The following PITPNC1 variants were observed in gnomAD, a reference collection of about 807,000 sequenced individuals.
The protein encoded by PITPNC1 is cytoplasmic phosphatidylinositol transfer protein 1.
A neutral mutation model predicts 44.7 loss-of-function variants in PITPNC1; 18 were observed. The ratio of observed to expected loss-of-function variants is 0.40; its 90% CI spans 0.28 to 0.60. The LOEUF (loss-of-function observed/expected upper bound fraction) is 0.60, where lower values mean the gene tolerates loss of function less well. Among genes scored for constraint, PITPNC1 ranks in the 20% least tolerant of loss-of-function variants. The pLI, the probability that PITPNC1 is intolerant of heterozygous loss-of-function variation, is 0.39. For missense variants in PITPNC1, 290 were observed against 418.4 expected, an observed-to-expected ratio of 0.69 and a Z score of 2.68; for synonymous variants, 141 against 149.6, an observed-to-expected ratio of 0.94 and a Z score of 0.42.
At chr17:67,452,053 C>T (rs765385657) in intron 1 of PITPNC1, among the ~76,000 whole-genome samples, 1 of 151,770 alleles carries the variant, frequency 6.6e-6, no homozygotes, top group Non-Finnish European at 1.5e-5. Context: ...ACTGTGATCA[C>T]CCAGGCTAGA....
At position 67,467,763 on chromosome 17, in the gene PITPNC1, A is replaced by G. The variant is rs1176991676; in HGVS notation, c.49-65039A>G. On this transcript the variant is annotated intron_variant, in intron 1 of 8. Coordinates refer to ENST00000581322, the MANE Select transcript of PITPNC1 (RefSeq NM_012417.4). ...GGCCTTGTGTCAAAATATCTTCATC[A>G]TCTAAGAATAAAACCCCCAAAGAGG... Among the ~76,000 whole-genome samples, 4 of 152,194 alleles carry G rather than the reference A, an allele frequency of 2.6e-5. No individual in the cohort carries two copies. In the East Asian group the frequency reaches 5.8e-4, roughly 22 times the overall value.
At chr17:67,546,273 T>C (rs1164803854) in intron 2 of PITPNC1, among the ~76,000 whole-genome samples, 1 of 122,618 alleles carries the variant, frequency 8.2e-6, no homozygotes, top group Non-Finnish European at 1.6e-5. Flanking sequence ...TTACATATTA[T>C]TTATATAGGG....
intron 1 of PITPNC1, among the ~76,000 whole-genome samples, chr17:67,433,943 G>A (rs2038896216): frequency 6.6e-6 from 1 of 152,078 alleles, no homozygotes; most frequent in Admixed American, 6.6e-5. Flanking sequence ...AGAGGAATCT[G>A]GTGCTGGCAT....
At chr17:67,578,999 G>A (rs1472784298) in intron 5 of PITPNC1, among the ~76,000 whole-genome samples, 1 of 152,148 alleles carries the variant, frequency 6.6e-6, no homozygotes, top group African/African-American at 2.4e-5. Context: ...TAAAAAAAGA[G>A]AAAAGGAAAT....
At chr17:67,643,805 T>C (rs1452986410) in intron 6 of PITPNC1, among the ~76,000 whole-genome samples, 1 of 152,250 alleles carries the variant, frequency 6.6e-6, no homozygotes, top group Non-Finnish European at 1.5e-5. Flanking sequence ...AAGCATTTCA[T>C]AAGTGTTCCC....
intron 1 of PITPNC1, among the ~76,000 whole-genome samples, chr17:67,403,674 G>A (rs2038356368): frequency 6.6e-6 from 1 of 152,172 alleles, no homozygotes; most frequent in African/African-American, 2.4e-5. Context: ...TGGAAATTGA[G>A]GCTTAGAGGA....
At chr17:67,454,852 CTG>C (rs1454574084) in intron 1 of PITPNC1, among the ~76,000 whole-genome samples, 1 of 143,020 alleles carries the variant, frequency 7.0e-6, no homozygotes, top group Non-Finnish European at 1.5e-5. Flanking sequence ...CAGGGTCTCA[CTG>C]TGTCACCCAG....
intron 1 of PITPNC1, among the ~76,000 whole-genome samples, chr17:67,386,094 TG>T (rs1567970486): frequency 6.6e-6 from 1 of 152,240 alleles, no homozygotes; most frequent in Non-Finnish European, 1.5e-5. Context: ...TGAGTGTGAC[TG>T]ATACTCCAAA....
At chr17:67,552,440 G>A (rs2040779367) in intron 3 of PITPNC1, 95 bp downstream of exon 3, 1 of 770,450 alleles carries the variant, frequency 1.3e-6, no homozygotes, top group Non-Finnish European at 2.3e-6. Flanking sequence ...TCCAAGCAGG[G>A]CCTTGTGGGA....
chr17:67,531,115 C>T (rs1019373623), intron 1 of PITPNC1, among the ~76,000 whole-genome samples: 3 of 152,004 alleles, frequency 2.0e-5, no homozygotes, highest in Non-Finnish European at 2.9e-5. Flanking sequence ...TGCTGGTGCG[C>T]ACCTGTAGTC....
intron 5 of PITPNC1, among the ~76,000 whole-genome samples, chr17:67,579,582 T>C (rs1568049782): frequency 6.6e-6 from 1 of 151,544 alleles, no homozygotes; most frequent in Admixed American, 6.6e-5. Context: ...AGTGTCACAC[T>C]GTGTTTCAAC....
chr17:67,439,895 A>AAAACAAAC (rs201479890), intron 1 of PITPNC1, among the ~76,000 whole-genome samples: 1 of 152,196 alleles, frequency 6.6e-6, no homozygotes. Flanking sequence ...AAGATAAAGA[A>AAAACAAAC]AAACAAACAA....
At chr17:67,649,971 T>C (rs9912857) in intron 6 of PITPNC1, among the ~76,000 whole-genome samples, 17,652 of 151,958 alleles carry the variant, frequency 0.12, 2,834 homozygotes, top group African/African-American at 0.35. Flanking sequence ...TCAGTGTGTT[T>C]AAGCGTTTAT....
At chr17:67,584,336 T>C (rs1815816296) in intron 5 of PITPNC1, among the ~76,000 whole-genome samples, 1 of 152,194 alleles carries the variant, frequency 6.6e-6, no homozygotes, top group Non-Finnish European at 1.5e-5. Flanking sequence ...ATGAAGAGAA[T>C]GTCCAGTTTA....
chr17:67,686,065 A>G (rs761014983), intron 8 of PITPNC1, among the ~76,000 whole-genome samples: 2 of 151,772 alleles, frequency 1.3e-5, no homozygotes, highest in Non-Finnish European at 2.9e-5. Flanking sequence ...TCCTGACCTC[A>G]ATTGATCCAC....
intron 6 of PITPNC1, among the ~76,000 whole-genome samples, chr17:67,659,929 C>T (rs1038516115): frequency 6.6e-6 from 1 of 152,006 alleles, no homozygotes; most frequent in African/African-American, 2.4e-5. Flanking sequence ...ACCCAGGATG[C>T]AGTGCAGTGG....
At chr17:67,539,651 A>G (rs2144141024) in intron 2 of PITPNC1, among the ~76,000 whole-genome samples, 1 of 152,312 alleles carries the variant, frequency 6.6e-6, no homozygotes, top group South Asian at 2.1e-4. Flanking sequence ...ATCCTGGCTA[A>G]CACGGTGAAA....
At chr17:67,681,819 A>T (rs2042714551) in intron 8 of PITPNC1, among the ~76,000 whole-genome samples, 1 of 152,116 alleles carries the variant, frequency 6.6e-6, no homozygotes, top group South Asian at 2.1e-4. Flanking sequence ...ATAAAATGAT[A>T]ATCCAATTTA....
At chr17:67,472,876 TG>T (rs1310270149) in intron 1 of PITPNC1, among the ~76,000 whole-genome samples, 1 of 149,298 alleles carries the variant, frequency 6.7e-6, no homozygotes, top group Non-Finnish European at 1.5e-5. Context: ...CCATAATTAA[TG>T]TGGTATTTTT....
Sources: allele counts gnomAD v4.1 joint callset (sites outside exome capture counted in the v4.1 genomes callset), GRCh38; gene constraint gnomAD v4.1.1; transcripts MANE v1.5; gene names NCBI Gene and HGNC (gene_info 2026-07-23, HGNC 2026-07-21).